MMEL1: variants seen among roughly 807,000 people sequenced by gnomAD.
MMEL1 encodes the protein membrane metallo-endopeptidase-like 1.
A neutral mutation model predicts 117.1 loss-of-function variants in MMEL1; 98 were observed. That is an observed-to-expected ratio of 0.84 (90% confidence interval 0.71 to 0.99). The LOEUF is 0.99. Among genes scored for constraint, MMEL1 ranks in the 50% least tolerant of loss-of-function variants. The probability of loss-of-function intolerance (pLI) is 0.00; values close to 1 mark genes in which losing one functional copy is unlikely to be tolerated. For missense variants in MMEL1, 1,014 were observed against 1,049.1 expected (o/e 0.97, Z 0.46); for synonymous variants, 390 against 415.1 (o/e 0.94, Z 0.74).
In MMEL1 at chr1:2,612,313, A is replaced by G. The variant is rs1645143718; in HGVS notation, c.155-109T>C. ...ATCTTCCCACAGTGCTGGGTGCTGC[A>G]GCCCTACCCCTGTAGTGAGGGCTGG... On this transcript the variant is annotated intron_variant, in intron 2 of 23. Transcript: ENST00000378412. The surrounding 1 kb of genome is among the most constrained non-coding windows in gnomAD (Gnocchi z 5.4). 1.1e-6 allele frequency: 1 copy of G among 889,676 alleles called. No homozygotes were observed. The highest frequency in any genetic ancestry group is 1.8e-6 in the Non-Finnish European group (1 of 565,524). The allele number at this position is 889,676 out of a possible 1,614,324, so 55.1% of individuals were successfully genotyped here.
chr1:2,594,446 G>A lies in MMEL1; in HGVS notation c.1689-3C>T, dbSNP rs370872633. 1 of 1,551,360 alleles carries A rather than the reference G, an allele frequency of 6.4e-7. No homozygotes were observed. On this transcript the variant is annotated splice_region_variant and splice_polypyrimidine_tract_variant and intron_variant, in intron 17 of 23. Coordinates refer to ENST00000378412, the MANE Select transcript of MMEL1 (RefSeq NM_033467.4). ...CCACCGCCGCCCCGATGATCCAGCT[G>A]TGATAGACAAGCCGGTCTCTGGGAG...
At chr1:2,611,068 C>A (rs982595890) in intron 4 of MMEL1, among the ~76,000 whole-genome samples, 9 of 152,166 alleles carry the variant, frequency 5.9e-5, no homozygotes, top group African/African-American at 2.2e-4. Flanking sequence ...GGCCTGGCTG[C>A]TGGAGGCTGG....
chr1:2,616,105 G>A (rs1270122860), intron 2 of MMEL1, among the ~76,000 whole-genome samples: 3 of 152,206 alleles, frequency 2.0e-5, no homozygotes, highest in East Asian at 3.8e-4. Flanking sequence ...CGAGGCTGAG[G>A]TAGGTGGATT....
chr1:2,623,660 G>A (rs1273380124), intron 2 of MMEL1, among the ~76,000 whole-genome samples: 1 of 152,238 alleles, frequency 6.6e-6, no homozygotes, highest in African/African-American at 2.4e-5. Context: ...CCATCACGAA[G>A]AGGTTTTCAA....
intron 19 of MMEL1, among the ~76,000 whole-genome samples, chr1:2,593,216 T>C (rs1464516782): frequency 1.3e-5 from 2 of 152,194 alleles, no homozygotes; most frequent in Non-Finnish European, 2.9e-5. Flanking sequence ...GGCTAGGGCC[T>C]AGCACCTGGG....
chr1:2,609,312 G>A lies in MMEL1; in HGVS notation c.535+27C>T, dbSNP rs759634438. 1.8e-5 allele frequency: 28 copies of A among 1,599,070 alleles called. No individual in the cohort carries two copies. In the East Asian group the frequency reaches 1.8e-4, roughly 10 times the overall value. On this transcript the variant is annotated intron_variant, in intron 6 of 23. Coordinates refer to ENST00000378412, the MANE Select transcript of MMEL1 (RefSeq NM_033467.4). ...GCAGCCCGCCCCCGTCCCCTGCCTC[G>A]GCCCCTTCCTGGCGGCCCCCACTCA...
chr1:2,628,683 G>T (rs1263237573), intron 2 of MMEL1, among the ~76,000 whole-genome samples: 1 of 150,464 alleles, frequency 6.6e-6, no homozygotes, highest in African/African-American at 2.5e-5. Context: ...CCGGCGTGGG[G>T]GCGGGGGGAG....
chr1:2,632,365 T>TTGGG (rs1387956323), intron 1 of MMEL1, among the ~76,000 whole-genome samples: 2 of 152,166 alleles, frequency 1.3e-5, no homozygotes, highest in Non-Finnish European at 2.9e-5. Context: ...TCATTATCTG[T>TTGGG]TGGGTGAATG....
At chr1:2,614,945 C>A (rs893438316) in intron 2 of MMEL1, among the ~76,000 whole-genome samples, 3 of 151,766 alleles carry the variant, frequency 2.0e-5, no homozygotes, top group African/African-American at 7.3e-5. Flanking sequence ...GGGGATACAT[C>A]AGAGGGTCAT....
In MMEL1 at chr1:2,607,004, C is replaced by T. The variant is rs1645039791; in HGVS notation, c.601G>A (p.Val201Met). 6.2e-7 allele frequency: 1 copy of T among 1,613,292 alleles called. No individual in the cohort carries two copies. Among genetic ancestry groups the T allele is most frequent in the South Asian group, 1.1e-5 (1 of 91,096 alleles). ...DILEVVGGWP[V>M]AMDRWNETVG... is the part of the protein sequence containing the mutation. ...GTCTCGTTCCACCTGTCCATCGCCA[C>T]CGGCCAGCCTCCCACCACCTCCAAG... The change falls in exon 7 of 24, where the codon GTG becomes ATG. Residue 201 changes from valine (V) to methionine (M), a missense_variant. Transcript: ENST00000378412.
intron 18 of MMEL1, 51 bp from the exon 19 acceptor site, chr1:2,593,984 G>C (rs966937947): frequency 4.5e-6 from 7 of 1,539,334 alleles, no homozygotes; most frequent in Non-Finnish European, 6.1e-6. Flanking sequence ...CACATCTCCT[G>C]TGTGCCAGGC....
rs1345893778 is a variant in MMEL1, at chr1:2,595,311, C to T, written c.1549G>A (p.Glu517Lys). ...TCCTCGTCCAGGCGCCTGTTCATCT[C>T]CTCCAGGATGTAGTCAGGGTGCCCG... The part of the protein sequence containing the change: ...QIGHPDYILE[E>K]MNRRLDEEYS... Residue 517 changes from glutamate to lysine, a missense_variant, in exon 16 of 24, where the codon GAG (glutamate) becomes AAG (lysine). Transcript: ENST00000378412. The surrounding 1 kb of genome is among the most constrained non-coding windows in gnomAD (Gnocchi z 4.8). 8.7e-6 allele frequency: 14 copies of T among 1,613,774 alleles called. No individual in the cohort carries two copies. The highest frequency in any genetic ancestry group is 1.2e-5 in the Non-Finnish European group (14 of 1,180,010).
intron 2 of MMEL1, among the ~76,000 whole-genome samples, chr1:2,623,734 G>A (rs1356830276): frequency 6.6e-6 from 1 of 152,242 alleles, no homozygotes; most frequent in East Asian, 1.9e-4. Flanking sequence ...GCAGGTCTCA[G>A]AAGGCTGGAG....
At chr1:2,628,829 G>A (rs1638395490) in intron 2 of MMEL1, among the ~76,000 whole-genome samples, 1 of 152,200 alleles carries the variant, frequency 6.6e-6, no homozygotes, top group African/African-American at 2.4e-5. Context: ...GACCTGACCC[G>A]GCCTTGAGCG....
At chr1:2,611,150 G>A in intron 4 of MMEL1, 131 bp downstream of exon 4, 2 of 899,074 alleles carry the variant, frequency 2.2e-6, no homozygotes, top group Non-Finnish European at 3.3e-6. Context: ...GTCCGAGTCC[G>A]GCCCACCCGG....
At chr1:2,629,576 G>GC (rs1466993903) in intron 1 of MMEL1, 55 bp from the exon 2 acceptor site, 2 of 1,362,012 alleles carry the variant, frequency 1.5e-6, no homozygotes, top group Non-Finnish European at 1.9e-6. Flanking sequence ...CCCGAGCCCG[G>GC]CCCGAGGCTG....
intron 12 of MMEL1, 127 bp from the exon 13 acceptor site, chr1:2,598,427 C>T (rs1185769346): frequency 2.5e-6 from 3 of 1,187,894 alleles, no homozygotes; most frequent in Non-Finnish European, 3.6e-6. Flanking sequence ...AGAAAACCTC[C>T]AGGACAACCA....
In MMEL1 at chr1:2,604,135, C is replaced by CCCCCCCCAAACAAG; in HGVS notation, c.951+11_951+12insCTTGTTTGGGGGGG. 19 of 1,520,126 alleles carry CCCCCCCCAAACAAG rather than the reference C, an allele frequency of 1.2e-5. No individual in the cohort carries two copies. The highest frequency in any genetic ancestry group is 1.7e-5 in the Non-Finnish European group (19 of 1,100,322). 94.2% of individuals were successfully genotyped at this position (1,520,126 alleles called of 1,614,324 possible). ...CTCGCTGCCCGCTCCCCACCCGCCC[C>CCCCCCCCAAACAAG]GGCCCCCTTACCTTGGCCAGCTGTG... On this transcript the variant is annotated intron_variant, in intron 10 of 23. Transcript: ENST00000378412.
At chr1:2,630,730 C>CGT (rs1638523049) in intron 1 of MMEL1, among the ~76,000 whole-genome samples, 1 of 143,552 alleles carries the variant, frequency 7.0e-6, no homozygotes. Flanking sequence ...TGATTGTGCA[C>CGT]GTGTGCGTGT....
Sources: allele counts gnomAD v4.1 joint callset (sites outside exome capture counted in the v4.1 genomes callset), GRCh38; gene constraint gnomAD v4.1.1; non-coding constraint Gnocchi (gnomAD v3.1); transcripts MANE v1.5; gene names NCBI Gene and HGNC (gene_info 2026-07-23, HGNC 2026-07-21).